Variants in DESI2 observed in about 807,000 individuals in gnomAD.
The protein encoded by DESI2 is deubiquitinase DESI2.
In DESI2, 10 loss-of-function variants were observed where a neutral mutation model predicts 24.1. That is an observed-to-expected ratio of 0.41 (90% CI 0.26 to 0.70). DESI2 has a LOEUF of 0.70. DESI2 is among the 30% of genes least tolerant of loss of function. The pLI, the probability that DESI2 is intolerant of heterozygous loss-of-function variation, is 0.29. For synonymous variants in DESI2, 71 were observed against 87.7 expected (o/e 0.81, Z 1.06); for missense variants, 122 against 234.9 (o/e 0.52, Z 3.14).
intron 1 of DESI2, among the ~76,000 whole-genome samples, chr1:244,662,650 TA>T (rs1487860096): frequency 6.6e-6 from 1 of 152,136 alleles, no homozygotes; most frequent in Non-Finnish European, 1.5e-5. Flanking sequence ...TAATTAGTGC[TA>T]AAGAGGAAAG....
intron 2 of DESI2, among the ~76,000 whole-genome samples, chr1:244,687,320 T>G (rs1221755892): frequency 6.6e-6 from 1 of 152,216 alleles, no homozygotes; most frequent in African/African-American, 2.4e-5. Context: ...TCAACAGTTT[T>G]TTTCCACTGT....
chr1:244,694,580 G>T, intron 4 of DESI2: 3 of 816,864 alleles, frequency 3.7e-6, no homozygotes, highest in Non-Finnish European at 6.5e-6. Flanking sequence ...TGGCACTGCC[G>T]TTATACTTTC....
chr1:244,686,792 G>T (rs1048154034), intron 2 of DESI2, 123 bp downstream of exon 2: 27 of 588,192 alleles, frequency 4.6e-5, no homozygotes, highest in Non-Finnish European at 7.1e-5. Context: ...GAAAGTAGAA[G>T]AAAATCTCCC....
chr1:244,656,979 G>T (rs1675669195), intron 1 of DESI2, among the ~76,000 whole-genome samples: 1 of 152,002 alleles, frequency 6.6e-6, no homozygotes, highest in Non-Finnish European at 1.5e-5. Context: ...CACCATGTTG[G>T]CTAGGCTTTT....
intron 1 of DESI2, among the ~76,000 whole-genome samples, chr1:244,660,168 G>A (rs10599909): frequency 2.7e-5 from 4 of 145,676 alleles, no homozygotes; most frequent in African/African-American, 1.0e-4. Flanking sequence ...TTTTGTTGTT[G>A]TTTTGTTGTT....
At chr1:244,666,253 G>A (rs1356863164) in intron 1 of DESI2, among the ~76,000 whole-genome samples, 2 of 152,048 alleles carry the variant, frequency 1.3e-5, no homozygotes, top group Non-Finnish European at 2.9e-5. Context: ...TGTAGTCTGC[G>A]TTCTCTCTGA....
intron 1 of DESI2, among the ~76,000 whole-genome samples, chr1:244,665,166 A>AT (rs754865183): frequency 0.011 from 1,583 of 146,940 alleles, 9 homozygotes; most frequent in Middle Eastern, 0.014. Flanking sequence ...TTAATACCTG[A>AT]TTTTTTTTTT....
At chr1:244,653,943 C>G (rs1212976178) in intron 1 of DESI2, 5 of 471,098 alleles carry the variant, frequency 1.1e-5, no homozygotes, top group Middle Eastern at 3.2e-4. Context: ...ATGAGGCTAA[C>G]ATTTCTCAAG....
chr1:244,701,212 T>TCCCC (rs1677442100), intron 4 of DESI2, among the ~76,000 whole-genome samples: 23 of 57,744 alleles, frequency 4.0e-4, no homozygotes, highest in Admixed American at 8.9e-4. Context: ...CACCTTCCCC[T>TCCCC]CCACCCCCCC....
At chr1:244,683,871 ATTTTT>A (rs35465768) in intron 1 of DESI2, among the ~76,000 whole-genome samples, 1 of 141,718 alleles carries the variant, frequency 7.1e-6, no homozygotes, top group Non-Finnish European at 1.5e-5. Flanking sequence ...TACCTGGCTA[ATTTTT>A]TTTTTTTTTT....
At chr1:244,664,045 T>G (rs914054442) in intron 1 of DESI2, among the ~76,000 whole-genome samples, 31 of 118,782 alleles carry the variant, frequency 2.6e-4, no homozygotes, top group Non-Finnish European at 4.3e-4. Context: ...AAAAAAAAAA[T>G]TATTTAAGAA....
At chr1:244,692,047 C>T (rs948527838) in intron 4 of DESI2, 27 bp downstream of exon 4, 7 of 1,559,436 alleles carry the variant, frequency 4.5e-6, no homozygotes, top group Non-Finnish European at 6.1e-6. Context: ...CCTAAAAGTT[C>T]TTCAAATAAA....
At chr1:244,664,976 T>C (rs1291719913) in intron 1 of DESI2, among the ~76,000 whole-genome samples, 1 of 152,222 alleles carries the variant, frequency 6.6e-6, no homozygotes, top group East Asian at 1.9e-4. Flanking sequence ...TGCTTCCCCA[T>C]GTTAATTTGT....
intron 1 of DESI2, chr1:244,656,167 TA>T (rs1341082427): frequency 1.3e-5 from 2 of 152,234 alleles, no homozygotes; most frequent in African/African-American, 4.8e-5. Context: ...TCCAACTCTG[TA>T]AATATGAAAA....
At chr1:244,702,764 G>A (rs138273287) in intron 4 of DESI2, among the ~76,000 whole-genome samples, 2,123 of 152,214 alleles carry the variant, frequency 0.014, 26 homozygotes, top group Non-Finnish European at 0.023. Context: ...ACACCCTCAG[G>A]GGTTGGAATG....
intron 3 of DESI2, among the ~76,000 whole-genome samples, chr1:244,691,577 T>A (rs1677032380): frequency 1.3e-5 from 2 of 152,232 alleles, no homozygotes; most frequent in Admixed American, 1.3e-4. Flanking sequence ...AATACAATAG[T>A]TGTGAAAATA....
At chr1:244,698,718 G>A (rs555456856) in intron 4 of DESI2, among the ~76,000 whole-genome samples, 1 of 152,246 alleles carries the variant, frequency 6.6e-6, no homozygotes, top group East Asian at 1.9e-4. Context: ...TTCTATTTGG[G>A]GATCAAGGCA....
At chr1:244,697,149 A>AT (rs759757967) in intron 4 of DESI2, among the ~76,000 whole-genome samples, 22 of 152,108 alleles carry the variant, frequency 1.4e-4, no homozygotes, top group Non-Finnish European at 2.8e-4. Context: ...TGCTATGCTG[A>AT]TTCCTGAGTC....
intron 1 of DESI2, among the ~76,000 whole-genome samples, chr1:244,672,282 G>C (rs1287163836): frequency 6.6e-6 from 1 of 152,170 alleles, no homozygotes; most frequent in Non-Finnish European, 1.5e-5. Flanking sequence ...TTCTCACTCA[G>C]TTCATGGGAG....
Sources: gnomAD v4.1 joint callset for allele counts (sites outside exome capture counted in the v4.1 genomes callset) on GRCh38, gnomAD v4.1.1 for gene constraint, MANE v1.5 for transcripts, NCBI Gene and HGNC (gene_info 2026-07-23, HGNC 2026-07-21) for gene names.